The following PTPRB variants were observed in gnomAD, a reference collection of about 807,000 sequenced individuals.
PTPRB encodes receptor-type tyrosine-protein phosphatase beta.
A neutral mutation model predicts 238.1 loss-of-function variants in PTPRB; 97 were observed. The observed-to-expected ratio is 0.41, with a 90% confidence interval of 0.35 to 0.48. The LOEUF is 0.48. PTPRB is among the 20% of genes least tolerant of loss of function. The pLI is 0.30. For missense variants in PTPRB, 2,292 were observed against 2,681.9 expected (o/e 0.85, Z 3.21); for synonymous variants, 970 against 995.4 (o/e 0.97, Z 0.48).
At chr12:70,628,047 A>G (rs1416027904) in intron 2 of PTPRB, among the ~76,000 whole-genome samples, 4 of 152,308 alleles carry the variant, frequency 2.6e-5, no homozygotes, top group Admixed American at 6.5e-5. Context: ...ACCAGCAGTT[A>G]AATCGAGCCT....
chr12:70,581,148 C>A lies in PTPRB; in HGVS notation c.2466G>T (p.Glu822Asp). The A allele has an allele frequency of 6.2e-7, 1 of 1,614,004 alleles. No individual in the cohort carries two copies. The highest frequency in any genetic ancestry group is 8.5e-7 in the Non-Finnish European group (1 of 1,179,892). ...VVIKNESISS[E>D]TSRYSFHSLK... ...GAGAGTGGAAGCTGTATCTGCTGGT[C>A]TCACTGGAGATGCTTTCATTTTTAA... Residue 822 changes from glutamate to aspartate, a missense_variant, in exon 10 of 34, where the codon GAG (glutamate) becomes GAT (aspartate). Physicochemically the swap from Glu to Asp is conservative, Grantham distance 45. Transcript: ENST00000334414.
chr12:70,553,169 G>C, intron 20 of PTPRB, 149 bp from the exon 21 acceptor site: 1 of 1,008,318 alleles, frequency 9.9e-7, no homozygotes, highest in South Asian at 1.7e-5. Flanking sequence ...AGAACGATGT[G>C]AAATTCTCCT....
At chr12:70,600,970 C>T (rs565380372) in intron 4 of PTPRB, among the ~76,000 whole-genome samples, 2 of 151,922 alleles carry the variant, frequency 1.3e-5, no homozygotes, top group African/African-American at 2.4e-5. Context: ...TGGGTTCAAG[C>T]GATTCTCCTG....
intron 14 of PTPRB, among the ~76,000 whole-genome samples, chr12:70,569,084 T>C (rs1879692680): frequency 6.6e-6 from 1 of 152,120 alleles, no homozygotes; most frequent in African/African-American, 2.4e-5. Flanking sequence ...AGTCTCCTTA[T>C]TAAAATTTAT....
chr12:70,572,868 C>T (rs1415688208), intron 11 of PTPRB, among the ~76,000 whole-genome samples: 1 of 151,378 alleles, frequency 6.6e-6, no homozygotes, highest in African/African-American at 2.4e-5. Flanking sequence ...AGATTTTCCA[C>T]ATCACTGGTG....
chr12:70,531,908 A>T, intron 32 of PTPRB, 127 bp downstream of exon 32: 1 of 1,036,288 alleles, frequency 9.6e-7, no homozygotes, highest in Non-Finnish European at 1.4e-6. Flanking sequence ...ATCTACATGC[A>T]GTTCTTTTTT....
chr12:70,520,306 G>C lies in PTPRB; in HGVS notation c.*1183C>G, dbSNP rs1042180932. ...AAATATTGAAGATAAACTTGGTACA[G>C]TATGTAGTGCCTTTTGTTATTAAAT... On this transcript the variant is annotated 3_prime_UTR_variant, in exon 34 of 34. Coordinates refer to ENST00000334414, the MANE Select transcript of PTPRB (RefSeq NM_001109754.4). 6 of 423,876 alleles carry C rather than the reference G, an allele frequency of 1.4e-5. No homozygotes were observed. Among genetic ancestry groups the C allele is most frequent in the African/African-American group, 1.2e-4 (6 of 48,596 alleles). The allele number at this position is 423,876 out of a possible 1,614,324, so 26.3% of individuals were successfully genotyped here.
At chr12:70,562,806 T>TC (rs1878668497) in intron 16 of PTPRB, 38 bp downstream of exon 16, 2 of 1,597,534 alleles carry the variant, frequency 1.3e-6, no homozygotes, top group Non-Finnish European at 1.7e-6. Flanking sequence ...CCGGGACAAT[T>TC]CCCCCACGAT....
chr12:70,590,072 G>C lies in PTPRB; in HGVS notation c.1942C>G (p.Gln648Glu). 6.2e-7 allele frequency: 1 copy of C among 1,613,924 alleles called. No homozygotes were observed. Among genetic ancestry groups the C allele is most frequent in the East Asian group, 2.2e-5 (1 of 44,876 alleles). ...LNITVGKEET[Q>E]YVMDDTGLVP... is the part of the protein sequence containing the mutation. Reference sequence around the variant, plus strand: ...AGCCCCGTGTCATCCATGACATACTGTGTTTCTTCCTTTCCCACAGTGATG... The same window carrying C: ...AGCCCCGTGTCATCCATGACATACTCTGTTTCTTCCTTTCCCACAGTGATG... Residue 648 changes from glutamine to glutamate, a missense_variant, in exon 8 of 34, where the codon CAG becomes GAG. Gln to Glu is a conservative substitution (Grantham distance 29). Transcript: ENST00000334414.
chr12:70,576,221 C>T (rs1880668397), intron 11 of PTPRB, among the ~76,000 whole-genome samples, 161 bp downstream of exon 11: 1 of 152,156 alleles, frequency 6.6e-6, no homozygotes, highest in South Asian at 2.1e-4. Context: ...AGGGTCTGCT[C>T]ACATAAGGAG....
intron 32 of PTPRB, among the ~76,000 whole-genome samples, chr12:70,531,187 C>T (rs1873180528): frequency 6.6e-6 from 1 of 152,104 alleles, no homozygotes; most frequent in African/African-American, 2.4e-5. Context: ...TCAAAGGGGG[C>T]CTTGGCTGCA....
chr12:70,616,321 C>T (rs1242428352), intron 3 of PTPRB, among the ~76,000 whole-genome samples: 1 of 152,180 alleles, frequency 6.6e-6, no homozygotes, highest in African/African-American at 2.4e-5. Context: ...TCGAATGATA[C>T]AGGTTGGTTA....
In PTPRB at chr12:70,556,130, T is replaced by C. The variant is rs1156608554; in HGVS notation, c.4733A>G (p.Asn1578Ser). Residue 1578 changes from asparagine to serine, a missense_variant, in exon 19 of 34, where the codon AAC becomes AGC. Around this residue, in one of 4 missense-constraint regions of PTPRB, gnomAD observed 683 missense variants for 862.0 expected, o/e 0.79. Transcript: ENST00000334414. The stretch of plus-strand genomic sequence containing the variant: ...GGAGTTCTGAGGCCGGCAATGCAGG[T>C]TTTGTATCTTGTCAGGCTCTAAAGG... Reference protein sequence around the residue: ...SVRTKPDKIQNLHCRPQNSTA... With the variant: ...SVRTKPDKIQSLHCRPQNSTA... The C allele has an allele frequency of 6.2e-7, 1 of 1,613,234 alleles. No homozygotes were observed. The highest frequency in any genetic ancestry group is 2.2e-5 in the East Asian group (1 of 44,892).
At position 70,536,034 on chromosome 12, in the gene PTPRB, C is replaced by T; in HGVS notation, c.6072G>A (p.Glu2024=). 6.2e-7 allele frequency: 1 copy of T among 1,613,462 alleles called. No individual in the cohort carries two copies. The highest frequency in any genetic ancestry group is 8.5e-7 in the Non-Finnish European group (1 of 1,179,710). ...AAGGCTGTTTACTCACTCGGCCCTT[C>T]TCAACACACTGGGTCACCATGACGA... ...HNIVMVTQCV[E]KGRVKCDHYW... Residue 2024 remains glutamate (E), a synonymous_variant, in exon 29 of 34, where the codon GAG becomes GAA. Coordinates refer to ENST00000334414, the MANE Select transcript of PTPRB (RefSeq NM_001109754.4).
intron 11 of PTPRB, among the ~76,000 whole-genome samples, chr12:70,574,813 C>T (rs532185875): frequency 2.6e-5 from 4 of 152,230 alleles, no homozygotes; most frequent in East Asian, 1.9e-4. Context: ...AAGTTCATGC[C>T]GGTCAAGGAG....
At position 70,520,252 on chromosome 12, in the gene PTPRB, A is replaced by G. The variant is rs781331025; in HGVS notation, c.*1237T>C. 6.4e-6 allele frequency: 3 copies of G among 466,278 alleles called. No individual in the cohort carries two copies. The East Asian group carries it at 1.9e-4, about 29-fold the overall frequency. 28.9% of individuals were successfully genotyped at this position (466,278 alleles called of 1,614,324 possible). On this transcript the variant is annotated 3_prime_UTR_variant, in exon 34 of 34. Transcript: ENST00000334414. ...AGGAAATACTTTCTGACTCATTGGA[A>G]TTTGTTATAGTCAAAGTAAGTAAGG...
At chr12:70,610,522 C>G (rs1171703960) in intron 3 of PTPRB, among the ~76,000 whole-genome samples, 1 of 151,818 alleles carries the variant, frequency 6.6e-6, no homozygotes, top group East Asian at 1.9e-4. Context: ...CCCCAGGTCG[C>G]CTGCACTCTT....
At chr12:70,561,432 CT>C (rs1245190382) in intron 16 of PTPRB, among the ~76,000 whole-genome samples, 1 of 152,118 alleles carries the variant, frequency 6.6e-6, no homozygotes, top group African/African-American at 2.4e-5. Context: ...ACAGTCACTC[CT>C]ATCACTGTAT....
At chr12:70,619,336 T>A (rs937959298) in intron 3 of PTPRB, among the ~76,000 whole-genome samples, 1 of 152,030 alleles carries the variant, frequency 6.6e-6, no homozygotes, top group Non-Finnish European at 1.5e-5. Context: ...ATAATGATAA[T>A]GATGATACTA....
Sources: gnomAD v4.1 joint callset for allele counts (sites outside exome capture counted in the v4.1 genomes callset) on GRCh38, gnomAD v4.1.1 for gene constraint, gnomAD v4.1.1 regional missense constraint, MANE v1.5 for transcripts, NCBI Gene and HGNC (gene_info 2026-07-23, HGNC 2026-07-21) for gene names.